Variants in CBFA2T3 observed in about 807,000 individuals in gnomAD.
CBFA2T3 encodes transcriptional corepressor CBFA2T3.
In CBFA2T3, 31 loss-of-function variants were observed where a neutral mutation model predicts 58.6. That is an observed-to-expected ratio of 0.53 (90% CI 0.40 to 0.71). The LOEUF is 0.71. Ranked by LOEUF, CBFA2T3 falls within the 30% of genes least tolerant of loss-of-function variation. The pLI is 0.00. For missense variants in CBFA2T3, 1,076 were observed against 963.1 expected (o/e 1.12, Z -1.55); for synonymous variants, 531 against 421.9 (o/e 1.26, Z -3.17).
At position 88,876,320 on chromosome 16, in the gene CBFA2T3, CTT is replaced by C. The variant is rs939753097; in HGVS notation, c.*654_*655del. 21 of 228,150 alleles carry C rather than the reference CTT, an allele frequency of 9.2e-5. No homozygotes were observed. The highest frequency in any genetic ancestry group is 4.0e-4 in the African/African-American group (18 of 45,042). 14.1% of individuals were successfully genotyped at this position (228,150 alleles called of 1,614,324 possible). ...AAAAAATCTGAAACCAAAAATGCAT[CTT>C]GAGTCAGAAATCGAAATCTTTCCTC... On this transcript the variant is annotated 3_prime_UTR_variant, in exon 12 of 12. Transcript: ENST00000268679.
At chr16:88,892,050 A>C (rs1387532468) in intron 4 of CBFA2T3, 79 bp from the exon 5 acceptor site, 8 of 1,407,786 alleles carry the variant, frequency 5.7e-6, no homozygotes, top group East Asian at 4.7e-5. Context: ...CCTGAGGAGG[A>C]GGCTTCCGTG....
chr16:88,964,581 C>A (rs1467528607), intron 1 of CBFA2T3, among the ~76,000 whole-genome samples: 1 of 152,262 alleles, frequency 6.6e-6, no homozygotes, highest in Non-Finnish European at 1.5e-5. Context: ...ATCACCTGGG[C>A]TGCCCGACTG....
intron 1 of CBFA2T3, among the ~76,000 whole-genome samples, chr16:88,934,221 G>T (rs144603548): frequency 0.019 from 2,810 of 150,818 alleles, 63 homozygotes; most frequent in African/African-American, 0.051. Flanking sequence ...CCGGCGAGAA[G>T]GGCTGCCCCA....
intron 3 of CBFA2T3, among the ~76,000 whole-genome samples, chr16:88,896,203 G>A (rs1488574376): frequency 9.2e-5 from 14 of 152,136 alleles, no homozygotes; most frequent in Non-Finnish European, 1.5e-5. Context: ...GAGTGCACGC[G>A]TGGCCTCAGA....
intron 1 of CBFA2T3, among the ~76,000 whole-genome samples, chr16:88,971,631 C>T (rs571012455): frequency 4.6e-5 from 7 of 152,340 alleles, no homozygotes; most frequent in African/African-American, 1.4e-4. Context: ...TGCAGGCCGG[C>T]CTCTGGCTTT....
At chr16:88,896,840 C>T (rs955535325) in intron 3 of CBFA2T3, among the ~76,000 whole-genome samples, 5 of 152,188 alleles carry the variant, frequency 3.3e-5, no homozygotes, top group Admixed American at 6.5e-5. Context: ...AGCCTTGCCC[C>T]GGGTGCCTGG....
chr16:88,877,007 G>A lies in CBFA2T3; in HGVS notation c.1931C>T (p.Pro644Leu). ...AGPSRPGSPS[P>L]PGPLDTVPR is the part of the protein sequence containing the mutation. ...GGGCACGGTGTCCAGTGGGCCAGGT[G>A]GGCTGGGGGAGCCGGGGCGAGAAGG... is the stretch of plus-strand genomic sequence containing the variant. Residue 644 changes from proline to leucine, a missense_variant, in exon 12 of 12, where the codon CCA (proline) becomes CTA (leucine). By Grantham distance (98) the Pro-to-Leu change is moderately conservative. Coordinates refer to ENST00000268679, the MANE Select transcript of CBFA2T3 (RefSeq NM_005187.6). 6.8e-7 allele frequency: 1 copy of A among 1,471,638 alleles called. No individual in the cohort carries two copies. Among genetic ancestry groups the A allele is most frequent in the Non-Finnish European group, 9.0e-7 (1 of 1,116,562 alleles). 91.2% of individuals were successfully genotyped at this position (1,471,638 alleles called of 1,614,324 possible).
At chr16:88,972,425 A>G (rs1478238978) in intron 1 of CBFA2T3, among the ~76,000 whole-genome samples, 1 of 151,920 alleles carries the variant, frequency 6.6e-6, no homozygotes, top group Non-Finnish European at 1.5e-5. Context: ...TAGCTCATCC[A>G]TTCCTCTTCA....
intron 1 of CBFA2T3, chr16:88,939,743 C>T (rs1007274417): frequency 2.0e-5 from 3 of 152,286 alleles, no homozygotes; most frequent in African/African-American, 7.2e-5. Context: ...GAAGAACGTG[C>T]CCAGGAACTG....
intron 1 of CBFA2T3, among the ~76,000 whole-genome samples, chr16:88,922,788 A>G (rs879598912): frequency 5.9e-5 from 9 of 152,240 alleles, no homozygotes; most frequent in Admixed American, 5.2e-4. Context: ...TTCCCGTGGC[A>G]CAGGCTTTGC....
At chr16:88,912,635 C>T (rs141061486) in intron 1 of CBFA2T3, among the ~76,000 whole-genome samples, 13 of 152,218 alleles carry the variant, frequency 8.5e-5, no homozygotes, top group South Asian at 2.1e-4. Flanking sequence ...CTCGTGTTTA[C>T]GCCCGTCTCC....
At chr16:88,961,728 C>T (rs1972363791) in intron 1 of CBFA2T3, among the ~76,000 whole-genome samples, 2 of 119,150 alleles carry the variant, frequency 1.7e-5, no homozygotes, top group Non-Finnish European at 3.5e-5. Context: ...CGACACTCAG[C>T]GCTGGGCATT....
Position 88,886,497 on chromosome 16 carries a change from A to C in CBFA2T3, c.712-355T>G, listed in dbSNP as rs555485960. On this transcript the variant is annotated intron_variant, in intron 5 of 11. Transcript: ENST00000268679. Reference sequence around the variant, plus strand: ...AGGCGAGAGGACGAAGGGGCAGCAGATCATGGTTGGTCTTCCCGCCTGCAC... The same window carrying C: ...AGGCGAGAGGACGAAGGGGCAGCAGCTCATGGTTGGTCTTCCCGCCTGCAC... The C allele has an allele frequency of 3.8e-5, 8 of 208,860 alleles. No individual in the cohort carries two copies. In the East Asian group the frequency reaches 8.4e-4, roughly 22 times the overall value. 12.9% of individuals were successfully genotyped at this position (208,860 alleles called of 1,614,324 possible).
At chr16:88,881,632 C>A in intron 8 of CBFA2T3, 143 bp from the exon 9 acceptor site, 2 of 789,952 alleles carry the variant, frequency 2.5e-6, no homozygotes, top group Non-Finnish European at 3.9e-6. Context: ...TGAGGGAGGG[C>A]CCACCTCCAT....
In CBFA2T3 at chr16:88,885,686, T is replaced by G; in HGVS notation, c.893+275A>C. ...ATGGACCCCGGACGCTCGGAGTCCA[T>G]GCCCGGCACACAGGGGAGAGCCGTC... On this transcript the variant is annotated intron_variant, in intron 6 of 11. Transcript: ENST00000268679. The surrounding 1 kb of genome is among the most constrained non-coding windows in gnomAD (Gnocchi z 5.3). 1 of 480,104 alleles carries G rather than the reference T, an allele frequency of 2.1e-6. No individual in the cohort carries two copies. The highest frequency in any genetic ancestry group is 3.7e-6 in the Non-Finnish European group (1 of 268,680). The allele number at this position is 480,104 out of a possible 1,614,324, so 29.7% of individuals were successfully genotyped here.
chr16:88,912,835 C>T (rs957793847), intron 1 of CBFA2T3, among the ~76,000 whole-genome samples: 1 of 152,228 alleles, frequency 6.6e-6, no homozygotes, highest in African/African-American at 2.4e-5. Flanking sequence ...TCCCCTCTGC[C>T]GTGTGAGCCC....
intron 2 of CBFA2T3, among the ~76,000 whole-genome samples, chr16:88,899,621 C>A (rs1425688461): frequency 1.3e-5 from 2 of 151,828 alleles, no homozygotes; most frequent in African/African-American, 4.9e-5. Context: ...TCCCAACCCA[C>A]CTCCAGCCAG....
At position 88,894,465 on chromosome 16, in the gene CBFA2T3, T is replaced by C. The variant is rs1383258592; in HGVS notation, c.380-1980A>G. Among the ~76,000 whole-genome samples the C allele has an allele frequency of 4.4e-4, 47 of 105,860 alleles. 1 individual carries two copies. The highest frequency in any genetic ancestry group is 2.0e-3 in the African/African-American group (42 of 21,386). The allele number at this position is 105,860 out of a possible 152,430, so 69.4% of individuals were successfully genotyped here. On this transcript the variant is annotated intron_variant, in intron 3 of 11. Coordinates refer to ENST00000268679, the MANE Select transcript of CBFA2T3 (RefSeq NM_005187.6). ...GTACACACATGCACGCACACATGCA[T>C]ACATATACACATGCACACAATGTAC...
intron 1 of CBFA2T3, among the ~76,000 whole-genome samples, chr16:88,972,277 C>T (rs867919166): frequency 7.9e-5 from 12 of 152,256 alleles, no homozygotes; most frequent in East Asian, 3.9e-4. Flanking sequence ...GCAGTGAGGA[C>T]GTGCCCAGAG....
Sources: allele counts gnomAD v4.1 joint callset (sites outside exome capture counted in the v4.1 genomes callset), GRCh38; gene constraint gnomAD v4.1.1; non-coding constraint Gnocchi (gnomAD v3.1); transcripts MANE v1.5; gene names NCBI Gene and HGNC (gene_info 2026-07-23, HGNC 2026-07-21).